FRMPD4: variants seen among roughly 807,000 people sequenced by gnomAD.
FRMPD4 encodes FERM and PDZ domain-containing protein 4.
Under a neutral mutation model 94.1 loss-of-function variants are expected in FRMPD4, and 22 were observed. The observed-to-expected ratio is 0.23, with a 90% CI of 0.17 to 0.33. FRMPD4 has a LOEUF of 0.33. Among genes scored for constraint, FRMPD4 ranks in the 10% least tolerant of loss-of-function variants. FRMPD4 has a pLI of 1.00. For missense variants in FRMPD4, 1,111 were observed against 1,339.9 expected (o/e 0.83, Z 2.67); for synonymous variants, 631 against 548.6 (o/e 1.15, Z -2.10).
At chrX:12,488,274 G>C (rs2057758469) in intron 1 of FRMPD4, among the ~76,000 whole-genome samples, 1 of 112,142 alleles carries the variant, frequency 8.9e-6, no homozygotes, top group Non-Finnish European at 1.9e-5. Flanking sequence ...TTAAAAAAAT[G>C]TGAGTAAGGC....
rs1423263718 is a variant in FRMPD4, at chrX:12,235,593, C to T, written c.41+96581C>T. 4.5e-5 allele frequency among the ~76,000 whole-genome samples: 5 copies of T among 112,043 alleles called. No homozygotes were observed. The East Asian group carries it at 8.4e-4, about 19-fold the overall frequency. On this transcript the variant is annotated intron_variant, in intron 1 of 16. Transcript: ENST00000675598. ...TAATCAGTACTATTAAGCTGCTTTA[C>T]AAAGTTAACCATTGGCAATTATGAA...
intron 1 of FRMPD4, among the ~76,000 whole-genome samples, chrX:12,412,683 TGA>T (rs761378788): frequency 2.4e-4 from 27 of 112,411 alleles, no homozygotes; most frequent in Non-Finnish European, 3.8e-4. Context: ...TGGATTTTTC[TGA>T]GAGTAAAGAC....
intron 1 of FRMPD4, among the ~76,000 whole-genome samples, chrX:12,199,255 G>GTGTGTGTGTGTGTA (rs2056601559): frequency 3.9e-5 from 4 of 101,629 alleles, no homozygotes; most frequent in Non-Finnish European, 7.8e-5. Flanking sequence ...GTGTGTGTGT[G>GTGTGTGTGTGTGTA]TGTGTGTGTG....
chrX:12,246,669 CT>C (rs201577016), intron 1 of FRMPD4, among the ~76,000 whole-genome samples: 44 of 106,485 alleles, frequency 4.1e-4, no homozygotes, highest in Non-Finnish European at 5.6e-4. Context: ...AATTTCTGTT[CT>C]TTTTTTTTTC....
At chrX:12,148,542 G>A (rs948253123) in intron 1 of FRMPD4, among the ~76,000 whole-genome samples, 7 of 112,558 alleles carry the variant, frequency 6.2e-5, no homozygotes, top group East Asian at 5.6e-4. Context: ...AAGGTAAAGC[G>A]GCAAGTGCTA....
At position 12,722,841 on chromosome X, in the gene FRMPD4, C is replaced by T. The variant is rs1265168346; in HGVS notation, c.*983C>T. 9.0e-6 allele frequency: 1 copy of T among 111,369 alleles called. No individual in the cohort carries two copies. Among genetic ancestry groups the T allele is most frequent in the Non-Finnish European group, 1.9e-5 (1 of 53,104 alleles). The allele number at this position is 111,369 out of a possible 1,213,427, so 9.2% of individuals were successfully genotyped here. Reference sequence around the variant, plus strand: ...ATTTAATGATCATCAAAATTAAGTACAGATTCAGTAATGTAGACCAGACCA... The same window carrying T: ...ATTTAATGATCATCAAAATTAAGTATAGATTCAGTAATGTAGACCAGACCA... On this transcript the variant is annotated 3_prime_UTR_variant, in exon 17 of 17. Coordinates refer to ENST00000675598, the MANE Select transcript of FRMPD4 (RefSeq NM_001368397.1).
At chrX:12,642,142 G>A (rs1293568464) in intron 4 of FRMPD4, among the ~76,000 whole-genome samples, 1 of 111,735 alleles carries the variant, frequency 8.9e-6, no homozygotes, top group Non-Finnish European at 1.9e-5. Flanking sequence ...GCAAGGCACT[G>A]ATTATGGGAT....
chrX:12,369,892 T>C, intron 1 of FRMPD4, among the ~76,000 whole-genome samples: 1 of 111,599 alleles, frequency 9.0e-6, no homozygotes, highest in African/African-American at 3.3e-5. Context: ...CCATTCAGAG[T>C]AGTGACTTTC....
intron 3 of FRMPD4, among the ~76,000 whole-genome samples, chrX:12,129,881 A>T (rs1288353447): frequency 8.9e-6 from 1 of 111,734 alleles, no homozygotes; most frequent in Non-Finnish European, 1.9e-5. Flanking sequence ...TAAACTTTAA[A>T]GCATTATACC....
rs1320989915 is a variant in FRMPD4 at position 12,477,006 on chromosome X, G to A, written c.42-21674G>A. Among the ~76,000 whole-genome samples the A allele has an allele frequency of 1.7e-4, 19 of 111,890 alleles. No homozygotes were observed. The East Asian group carries it at 4.7e-3, about 28-fold the overall frequency. On this transcript the variant is annotated intron_variant, in intron 1 of 16. Transcript: ENST00000675598. Reference sequence around the variant, plus strand: ...TGCTGCTATAAAGACACATGCACACGTATGTTTATTGTGGCACTATTCACA... The same window carrying A: ...TGCTGCTATAAAGACACATGCACACATATGTTTATTGTGGCACTATTCACA...
chrX:12,460,781 A>G (rs2057383102), intron 1 of FRMPD4, among the ~76,000 whole-genome samples: 1 of 111,918 alleles, frequency 8.9e-6, no homozygotes, highest in Non-Finnish European at 1.9e-5. Context: ...CTGAATGTAG[A>G]CCCTCAAAAT....
chrX:11,893,743 T>C, intron 3 of FRMPD4, among the ~76,000 whole-genome samples: 1 of 111,460 alleles, frequency 9.0e-6, no homozygotes. Flanking sequence ...CTTGGATGTA[T>C]CAATTTGCCT....
intron 1 of FRMPD4, among the ~76,000 whole-genome samples, chrX:12,398,199 T>C (rs899202340): frequency 1.8e-5 from 2 of 112,372 alleles, no homozygotes; most frequent in Non-Finnish European, 3.8e-5. Context: ...ACCTCTGCCA[T>C]GGTTTAGTAA....
chrX:12,690,546 G>C (rs1321535103), intron 8 of FRMPD4, among the ~76,000 whole-genome samples: 1 of 112,119 alleles, frequency 8.9e-6, no homozygotes, highest in African/African-American at 3.2e-5. Flanking sequence ...AACTAGATTT[G>C]TCATTCAAAG....
intron 1 of FRMPD4, among the ~76,000 whole-genome samples, chrX:12,344,630 C>A (rs1032112052): frequency 6.2e-5 from 7 of 112,339 alleles, no homozygotes; most frequent in African/African-American, 2.3e-4. Context: ...TAAAATAGTA[C>A]TGAGCCCCAT....
chrX:11,980,042 C>T (rs2054389140), intron 3 of FRMPD4, among the ~76,000 whole-genome samples: 1 of 111,640 alleles, frequency 9.0e-6, no homozygotes, highest in South Asian at 3.7e-4. Context: ...TGTGTGTATG[C>T]ACATGTGTAT....
intron 1 of FRMPD4, among the ~76,000 whole-genome samples, chrX:12,412,221 C>G (rs1216068511): frequency 1.8e-5 from 2 of 112,117 alleles, no homozygotes; most frequent in African/African-American, 6.5e-5. Context: ...CTACAGATTC[C>G]TTGAGCAGAT....
At chrX:12,016,527 A>G (rs2054605519) in intron 3 of FRMPD4, among the ~76,000 whole-genome samples, 1 of 111,885 alleles carries the variant, frequency 8.9e-6, no homozygotes, top group Non-Finnish European at 1.9e-5. Context: ...CTTTTCATCT[A>G]TGTTATAGAA....
At chrX:12,275,682 T>C (rs2054424549) in intron 1 of FRMPD4, among the ~76,000 whole-genome samples, 1 of 107,811 alleles carries the variant, frequency 9.3e-6, no homozygotes, top group Non-Finnish European at 1.9e-5. Flanking sequence ...GGACAGAGGG[T>C]GGAAGTGAGA....
Sources: gnomAD v4.1 joint callset for allele counts (sites outside exome capture counted in the v4.1 genomes callset) on GRCh38, gnomAD v4.1.1 for gene constraint, MANE v1.5 for transcripts, NCBI Gene and HGNC (gene_info 2026-07-23, HGNC 2026-07-21) for gene names.